The following LRRC4C variants were observed in gnomAD, a reference collection of about 807,000 sequenced individuals.
LRRC4C encodes the protein leucine rich repeat containing 4C.
A neutral mutation model predicts 33.6 loss-of-function variants in LRRC4C; 5 were observed. That is an observed-to-expected ratio of 0.15 (90% confidence interval 0.08 to 0.31). The LOEUF (loss-of-function observed/expected upper bound fraction) is 0.31, where lower values mean the gene tolerates loss of function less well. Among genes scored for constraint, LRRC4C ranks in the 10% least tolerant of loss-of-function variants. The pLI is 1.00. For missense variants in LRRC4C, 560 were observed against 796.7 expected (o/e 0.70, Z 3.58); for synonymous variants, 329 against 302.0 (o/e 1.09, Z -0.93).
intron 3 of LRRC4C, among the ~76,000 whole-genome samples, chr11:40,479,566 A>G (rs750997792): frequency 6.6e-6 from 1 of 152,198 alleles, no homozygotes; most frequent in Non-Finnish European, 1.5e-5. Context: ...AAATTCATCC[A>G]TGATAAAATG....
chr11:40,865,231 T>C (rs960779370), intron 2 of LRRC4C, among the ~76,000 whole-genome samples: 1 of 152,072 alleles, frequency 6.6e-6, no homozygotes, highest in African/African-American at 2.4e-5. Flanking sequence ...ACTAAAAAAG[T>C]TCATCTCACA....
At chr11:40,491,595 A>G (rs1954159549) in intron 3 of LRRC4C, among the ~76,000 whole-genome samples, 1 of 152,096 alleles carries the variant, frequency 6.6e-6, no homozygotes, top group Admixed American at 6.6e-5. Context: ...ACTTCCTGCC[A>G]TACAGCTCTC....
intron 1 of LRRC4C, among the ~76,000 whole-genome samples, chr11:41,353,431 T>C (rs1253597054): frequency 2.6e-5 from 4 of 152,062 alleles, no homozygotes; most frequent in Non-Finnish European, 5.9e-5. Flanking sequence ...ATAGAAAAAT[T>C]CTACCAGATG....
rs146866017 is a variant in LRRC4C, at chr11:40,366,239, T to A, written c.-269-46518A>T. Among the ~76,000 whole-genome samples, 102 of 152,160 alleles carry A rather than the reference T, an allele frequency of 6.7e-4. 1 individual carries two copies. In the East Asian group the frequency reaches 0.019, roughly 28 times the overall value. The stretch of plus-strand genomic sequence containing the variant: ...AACATATGCTTTCTACCTTGAGGAA[T>A]TTATGGTGTATTTGGATAATAAACT... On this transcript the variant is annotated intron_variant, in intron 3 of 6. Transcript: ENST00000528697.
chr11:40,315,256 T>A (rs1202597352), intron 4 of LRRC4C, among the ~76,000 whole-genome samples: 1 of 151,734 alleles, frequency 6.6e-6, no homozygotes, highest in East Asian at 1.9e-4. Flanking sequence ...TATAAAGGGA[T>A]GGCGTGTGTG....
chr11:40,559,414 T>C (rs1957460515), intron 3 of LRRC4C, among the ~76,000 whole-genome samples: 1 of 152,076 alleles, frequency 6.6e-6, no homozygotes, highest in Non-Finnish European at 1.5e-5. Flanking sequence ...TGAATTCCTG[T>C]ACTCAGGTGA....
intron 3 of LRRC4C, among the ~76,000 whole-genome samples, chr11:40,635,466 G>C (rs1054373474): frequency 6.6e-6 from 1 of 151,960 alleles, no homozygotes; most frequent in Non-Finnish European, 1.5e-5. Context: ...AGGACAGAAA[G>C]AACATACACA....
chr11:41,258,029 A>G (rs941071190), intron 1 of LRRC4C, among the ~76,000 whole-genome samples: 10 of 152,042 alleles, frequency 6.6e-5, no homozygotes, highest in South Asian at 4.1e-4. Flanking sequence ...GTAACGATAT[A>G]TAATTCTAAA....
chr11:41,432,402 A>G (rs1955269622), intron 1 of LRRC4C, among the ~76,000 whole-genome samples: 1 of 152,214 alleles, frequency 6.6e-6, no homozygotes, highest in Admixed American at 6.5e-5. Flanking sequence ...GAATGAGAGT[A>G]GAAGCTGACA....
rs150253770 is a variant in LRRC4C, at chr11:40,889,033, A to G, written c.-407+44602T>C. Among the ~76,000 whole-genome samples, 665 of 152,168 alleles carry G rather than the reference A, an allele frequency of 4.4e-3. 3 individuals are homozygous for G. Among genetic ancestry groups the G allele is most frequent in the African/African-American group, 0.014 (583 of 41,574 alleles). On this transcript the variant is annotated intron_variant, in intron 2 of 6. Coordinates refer to ENST00000528697, the MANE Select transcript of LRRC4C (RefSeq NM_001258419.2). ...GGAGGGCAATTTGGAAATACCTATGAAAAGCTGTAGAATTTAGTGTACCAT... is the reference window on the plus strand; with the variant it reads ...GGAGGGCAATTTGGAAATACCTATGGAAAGCTGTAGAATTTAGTGTACCAT...
intron 1 of LRRC4C, among the ~76,000 whole-genome samples, chr11:41,000,207 G>A (rs1854278009): frequency 1.3e-5 from 2 of 152,142 alleles, no homozygotes; most frequent in African/African-American, 4.8e-5. Flanking sequence ...AATAAGTGGG[G>A]CTTGAGTTCC....
intron 1 of LRRC4C, among the ~76,000 whole-genome samples, chr11:41,319,699 C>A (rs1325963748): frequency 1.3e-5 from 2 of 152,064 alleles, no homozygotes; most frequent in Non-Finnish European, 2.9e-5. Flanking sequence ...TACAGGTGCA[C>A]ACCATCACGC....
intron 3 of LRRC4C, among the ~76,000 whole-genome samples, chr11:40,612,203 A>G (rs902278256): frequency 6.6e-6 from 1 of 151,954 alleles, no homozygotes; most frequent in African/African-American, 2.4e-5. Flanking sequence ...TAATATTATT[A>G]AGCCTTAAAA....
chr11:40,465,683 A>G (rs184960494), intron 3 of LRRC4C, among the ~76,000 whole-genome samples: 1 of 152,176 alleles, frequency 6.6e-6, no homozygotes, highest in Non-Finnish European at 1.5e-5. Flanking sequence ...ATGATGAACA[A>G]GCTTATGAAT....
At position 40,116,221 on chromosome 11, in the gene LRRC4C, G is replaced by A. The variant is rs572801018; in HGVS notation, c.72C>T (p.Asp24=). The A allele has an allele frequency of 6.2e-6, 10 of 1,614,064 alleles. No homozygotes were observed. In the East Asian group the frequency reaches 1.3e-4, roughly 22 times the overall value. The change falls in exon 7 of 7, where the codon GAC becomes GAT. Residue 24 remains aspartate, a synonymous_variant. Coordinates refer to ENST00000528697, the MANE Select transcript of LRRC4C (RefSeq NM_001258419.2). ...IGPRFNRALF[D]PLLVVLLALQ... ...GAGCCAGCAGCACCACAAGCAGGGG[G>A]TCAAATAGGGCCCTGTTAAACCTAG... is the stretch of plus-strand genomic sequence containing the variant.
chr11:40,530,740 T>C (rs1457403908), intron 3 of LRRC4C, among the ~76,000 whole-genome samples: 1 of 152,046 alleles, frequency 6.6e-6, no homozygotes, highest in African/African-American at 2.4e-5. Context: ...TCACAAATAA[T>C]TACTATCATA....
At chr11:41,091,044 A>C (rs773571596) in intron 1 of LRRC4C, among the ~76,000 whole-genome samples, 32 of 152,148 alleles carry the variant, frequency 2.1e-4, no homozygotes, top group Non-Finnish European at 3.7e-4. Flanking sequence ...GCTGTTGCTG[A>C]GGATCCTTTT....
chr11:40,789,093 G>A (rs1476037417), intron 2 of LRRC4C, among the ~76,000 whole-genome samples: 2 of 63,524 alleles, frequency 3.1e-5, no homozygotes, highest in African/African-American at 1.3e-4. Context: ...TCCGTCTCGG[G>A]AAAAAAAAAA....
intron 3 of LRRC4C, among the ~76,000 whole-genome samples, chr11:40,357,747 C>T (rs2137137169): frequency 6.6e-6 from 1 of 152,198 alleles, no homozygotes; most frequent in Admixed American, 6.5e-5. Flanking sequence ...CAAGCCTGCC[C>T]ATCCAGTTCT....
Sources: gnomAD v4.1 joint callset for allele counts (sites outside exome capture counted in the v4.1 genomes callset) on GRCh38, gnomAD v4.1.1 for gene constraint, MANE v1.5 for transcripts, NCBI Gene and HGNC (gene_info 2026-07-23, HGNC 2026-07-21) for gene names.